The following KIAA1217 variants were observed in gnomAD, a reference collection of about 807,000 sequenced individuals.
KIAA1217 encodes sickle tail protein homolog.
KIAA1217 carries 88 observed loss-of-function variants against 163.9 expected under a neutral mutation model. That is an observed-to-expected ratio of 0.54 (90% CI 0.45 to 0.64). The LOEUF is 0.64. Among genes scored for constraint, KIAA1217 ranks in the 30% least tolerant of loss-of-function variants. KIAA1217 has a pLI of 0.00. For missense variants in KIAA1217, 2,372 were observed against 2,475.0 expected (o/e 0.96, Z 0.88); for synonymous variants, 903 against 923.1 (o/e 0.98, Z 0.39).
At chr10:24,049,100 C>G (rs1032449388) in intron 2 of KIAA1217, among the ~76,000 whole-genome samples, 1 of 148,698 alleles carries the variant, frequency 6.7e-6, no homozygotes, top group Non-Finnish European at 1.5e-5. Context: ...ATAAGTAATT[C>G]TTCTTACCGT....
intron 2 of KIAA1217, among the ~76,000 whole-genome samples, chr10:24,279,267 TTTG>T (rs200947151): frequency 0.05 from 7,505 of 149,778 alleles, 300 homozygotes; most frequent in East Asian, 0.23. Flanking sequence ...TGGTGGTGTT[TTTG>T]TTTGTTTGTT....
chr10:24,076,659 C>T (rs937251143), intron 2 of KIAA1217, among the ~76,000 whole-genome samples: 5 of 152,116 alleles, frequency 3.3e-5, no homozygotes, highest in African/African-American at 1.2e-4. Flanking sequence ...AGAGTTGCAA[C>T]CCACAGTCAG....
chr10:24,105,090 A>ATGT (rs2062572263), intron 2 of KIAA1217, among the ~76,000 whole-genome samples: 1 of 151,616 alleles, frequency 6.6e-6, no homozygotes, highest in East Asian at 1.9e-4. Context: ...GATGATGATG[A>ATGT]TGAATACTTA....
intron 1 of KIAA1217, among the ~76,000 whole-genome samples, chr10:23,838,909 T>A (rs1009871130): frequency 6.6e-6 from 1 of 152,236 alleles, no homozygotes; most frequent in Non-Finnish European, 1.5e-5. Flanking sequence ...ATCTATTATC[T>A]GCTGTTCTTG....
chr10:24,084,910 CTTT>C (rs1197313508), intron 2 of KIAA1217, among the ~76,000 whole-genome samples: 39 of 123,768 alleles, frequency 3.2e-4, no homozygotes, highest in Admixed American at 2.3e-3. Context: ...GCAGAGTTTA[CTTT>C]TTTTTTTTTT....
chr10:24,070,496 T>A (rs936201092), intron 2 of KIAA1217, among the ~76,000 whole-genome samples: 4 of 152,186 alleles, frequency 2.6e-5, no homozygotes, highest in Admixed American at 2.6e-4. Context: ...ATAATACAAG[T>A]AATACAAATA....
Position 24,363,466 on chromosome 10 carries a change from T to C in KIAA1217, c.355-17403T>C, listed in dbSNP as rs550708492. 2.0e-5 allele frequency among the ~76,000 whole-genome samples: 3 copies of C among 152,316 alleles called. No individual in the cohort carries two copies. The East Asian group carries it at 5.8e-4, about 29-fold the overall frequency. On this transcript the variant is annotated intron_variant, in intron 2 of 20. Coordinates refer to ENST00000376454, the MANE Select transcript of KIAA1217 (RefSeq NM_019590.5). The stretch of plus-strand genomic sequence containing the variant: ...CTCTGAAATAATAAATGCTCTTCTG[T>C]TTAATTTTTACAGTATTATTATTTT...
chr10:24,138,146 G>T (rs930355291), intron 2 of KIAA1217, among the ~76,000 whole-genome samples: 3 of 152,090 alleles, frequency 2.0e-5, no homozygotes, highest in African/African-American at 7.2e-5. Context: ...GAATTTGGGA[G>T]GTTTTTGCTT....
At chr10:23,818,448 G>A (rs910550526) in intron 1 of KIAA1217, among the ~76,000 whole-genome samples, 6 of 150,354 alleles carry the variant, frequency 4.0e-5, no homozygotes, top group Non-Finnish European at 8.9e-5. Flanking sequence ...AAAATATTTT[G>A]CATTTATTTA....
At position 24,546,087 on chromosome 10, in the gene KIAA1217, G is replaced by A; in HGVS notation, c.5595G>A (p.Gln1865=). Residue 1865 remains glutamine (Q), a synonymous_variant, in exon 21 of 21, where the codon CAG becomes CAA. Coordinates refer to ENST00000376454, the MANE Select transcript of KIAA1217 (RefSeq NM_019590.5). ...TCTCTAATGGCTCTTTGAAGTTTCA[G>A]AGCCTCACTCATACAGGTAAAGGTC... The part of the protein sequence containing the change: ...PSVSNGSLKF[Q]SLTHTGKGHH... The A allele has an allele frequency of 6.2e-7, 1 of 1,614,142 alleles. No homozygotes were observed. Among genetic ancestry groups the A allele is most frequent in the Non-Finnish European group, 8.5e-7 (1 of 1,180,042 alleles).
chr10:24,273,244 C>A (rs916360866), intron 2 of KIAA1217, among the ~76,000 whole-genome samples: 1 of 152,162 alleles, frequency 6.6e-6, no homozygotes. Context: ...AGAGATCAGA[C>A]TCTTATTAAC....
intron 10 of KIAA1217, among the ~76,000 whole-genome samples, chr10:24,516,466 C>T (rs1198958071): frequency 1.3e-5 from 2 of 152,210 alleles, no homozygotes; most frequent in African/African-American, 4.8e-5. Flanking sequence ...GGGTTCAACC[C>T]CAGATTCACA....
chr10:24,189,564 C>T (rs1301378188), intron 2 of KIAA1217, among the ~76,000 whole-genome samples: 1 of 152,032 alleles, frequency 6.6e-6, no homozygotes, highest in Non-Finnish European at 1.5e-5. Context: ...TGGCTGATAC[C>T]CTATAACAAA....
At chr10:24,115,344 A>C (rs1459908715) in intron 2 of KIAA1217, among the ~76,000 whole-genome samples, 1 of 152,276 alleles carries the variant, frequency 6.6e-6, no homozygotes, top group African/African-American at 2.4e-5. Flanking sequence ...ATTGAACCTA[A>C]AAATGAAGCA....
intron 1 of KIAA1217, among the ~76,000 whole-genome samples, chr10:23,790,587 A>G (rs975189708): frequency 9.5e-5 from 12 of 126,182 alleles, no homozygotes; most frequent in African/African-American, 2.3e-4. Context: ...ATGTATATGT[A>G]CATATATACA....
intron 2 of KIAA1217, among the ~76,000 whole-genome samples, chr10:24,188,354 A>G (rs1360217987): frequency 1.3e-5 from 2 of 152,232 alleles, no homozygotes; most frequent in African/African-American, 4.8e-5. Flanking sequence ...AACATAAGCC[A>G]TAATACTAAT....
intron 2 of KIAA1217, among the ~76,000 whole-genome samples, chr10:24,081,876 T>C: frequency 6.6e-6 from 1 of 152,014 alleles, no homozygotes; most frequent in Admixed American, 6.6e-5. Flanking sequence ...TTAGAATGAG[T>C]TGGAAGCTAC....
chr10:23,848,887 C>T (rs765068348), intron 1 of KIAA1217, among the ~76,000 whole-genome samples: 4 of 152,080 alleles, frequency 2.6e-5, no homozygotes, highest in Non-Finnish European at 4.4e-5. Context: ...ACCTCATCCT[C>T]ACTAATACAA....
chr10:24,396,605 G>C (rs536463661), intron 3 of KIAA1217, among the ~76,000 whole-genome samples: 7 of 152,142 alleles, frequency 4.6e-5, no homozygotes, highest in Non-Finnish European at 1.0e-4. Context: ...GGCAGCCTTC[G>C]AGCCATGACC....
Sources: allele counts gnomAD v4.1 joint callset (sites outside exome capture counted in the v4.1 genomes callset), GRCh38; gene constraint gnomAD v4.1.1; transcripts MANE v1.5; gene names NCBI Gene and HGNC (gene_info 2026-07-23, HGNC 2026-07-21).